HMBOX1: variants seen among roughly 807,000 people sequenced by gnomAD.
HMBOX1 encodes homeobox containing 1.
Under a neutral mutation model 54.5 loss-of-function variants are expected in HMBOX1, and 14 were observed. The ratio of observed to expected loss-of-function variants is 0.26; its 90% CI spans 0.17 to 0.40. The LOEUF (loss-of-function observed/expected upper bound fraction) is 0.40, where lower values mean the gene tolerates loss of function less well. Among genes scored for constraint, HMBOX1 ranks in the 10% least tolerant of loss-of-function variants. The pLI, the probability that HMBOX1 is intolerant of heterozygous loss-of-function variation, is 1.00. For missense variants in HMBOX1, 332 were observed against 514.4 expected (o/e 0.65, Z 3.43); for synonymous variants, 160 against 181.0 (o/e 0.88, Z 0.93).
chr8:28,893,878 C>T (rs1811535391), intron 1 of HMBOX1, among the ~76,000 whole-genome samples: 1 of 152,148 alleles, frequency 6.6e-6, no homozygotes, highest in South Asian at 2.1e-4. Context: ...CAATTTAGTT[C>T]TGTTCATTTC....
chr8:28,980,189 A>G, intron 4 of HMBOX1, 33 bp downstream of exon 4: 2 of 1,453,488 alleles, frequency 1.4e-6, no homozygotes, highest in Non-Finnish European at 1.9e-6. Context: ...TTCTGGAATC[A>G]TGTGTAGTCT....
intron 4 of HMBOX1, 89 bp downstream of exon 4, chr8:28,980,245 T>C: frequency 1.0e-6 from 1 of 955,722 alleles, no homozygotes; most frequent in Non-Finnish European, 1.7e-6. Context: ...ATTTCTGCAT[T>C]GCAGTGCAGA....
In HMBOX1 at chr8:29,051,478, T is replaced by G; in HGVS notation, c.*323T>G. 1 of 699,854 alleles carries G rather than the reference T, an allele frequency of 1.4e-6. No homozygotes were observed. The highest frequency in any genetic ancestry group is 1.5e-5 in the South Asian group (1 of 67,508). The allele number at this position is 699,854 out of a possible 1,614,324, so 43.4% of individuals were successfully genotyped here. The stretch of plus-strand genomic sequence containing the variant: ...TTAGATAGCCCTCAGTTCTCAAATA[T>G]TAGACTACGTGTAAAATCTTGGGTA... On this transcript the variant is annotated 3_prime_UTR_variant, in exon 10 of 10. Transcript: ENST00000287701.
At chr8:28,972,157 ATTAATACCTGT>A (rs1200431679) in intron 3 of HMBOX1, among the ~76,000 whole-genome samples, 2 of 152,228 alleles carry the variant, frequency 1.3e-5, no homozygotes, top group African/African-American at 2.4e-5. Flanking sequence ...AAAGTATAAT[ATTAATACCTGT>A]AATGAATAAT....
At chr8:28,958,907 A>G (rs1824965896) in intron 1 of HMBOX1, among the ~76,000 whole-genome samples, 1 of 152,028 alleles carries the variant, frequency 6.6e-6, no homozygotes, top group Non-Finnish European at 1.5e-5. Flanking sequence ...GATATATTGG[A>G]TTATGTTGAT....
intron 1 of HMBOX1, among the ~76,000 whole-genome samples, chr8:28,929,953 A>G (rs924757053): frequency 8.1e-5 from 6 of 73,814 alleles, no homozygotes; most frequent in African/African-American, 3.3e-4. Context: ...CGCCCCGCCA[A>G]TGGAGACTCT....
chr8:29,031,553 A>T (rs1307217375), intron 6 of HMBOX1, among the ~76,000 whole-genome samples: 11 of 151,250 alleles, frequency 7.3e-5, no homozygotes, highest in Admixed American at 7.2e-4. Flanking sequence ...TTCTGATGAC[A>T]TAGTGGTTAA....
intron 1 of HMBOX1, among the ~76,000 whole-genome samples, chr8:28,920,295 G>A (rs1181716937): frequency 6.6e-6 from 1 of 152,048 alleles, no homozygotes; most frequent in Admixed American, 6.6e-5. Flanking sequence ...TATAAACAAG[G>A]TACTATGGTA....
At chr8:29,004,130 G>A (rs1342690998) in intron 4 of HMBOX1, among the ~76,000 whole-genome samples, 2 of 152,182 alleles carry the variant, frequency 1.3e-5, no homozygotes, top group African/African-American at 4.8e-5. Flanking sequence ...CAGATTTAAG[G>A]ATGATAGTGA....
chr8:29,027,768 G>A (rs1339545382), intron 6 of HMBOX1, among the ~76,000 whole-genome samples: 5 of 152,158 alleles, frequency 3.3e-5, no homozygotes, highest in Admixed American at 6.5e-5. Flanking sequence ...TGTGTGGAAA[G>A]GTTACTGATT....
chr8:28,907,803 A>G (rs1475792142), intron 1 of HMBOX1, among the ~76,000 whole-genome samples: 2 of 151,138 alleles, frequency 1.3e-5, no homozygotes, highest in Non-Finnish European at 2.9e-5. Context: ...CATTTGGGAC[A>G]TCGTGTTGTA....
intron 6 of HMBOX1, chr8:29,042,544 A>G (rs373516466): frequency 2.3e-6 from 1 of 433,078 alleles, no homozygotes; most frequent in Non-Finnish European, 4.6e-6. Flanking sequence ...GAAAAGACCA[A>G]TAGAATTCCC....
chr8:28,942,788 T>C (rs1038937567), intron 1 of HMBOX1, among the ~76,000 whole-genome samples: 1 of 152,248 alleles, frequency 6.6e-6, no homozygotes, highest in African/African-American at 2.4e-5. Context: ...GTTTCTGATC[T>C]TTTGGTATTA....
chr8:28,967,685 G>A (rs1826668243), intron 2 of HMBOX1, among the ~76,000 whole-genome samples: 1 of 152,034 alleles, frequency 6.6e-6, no homozygotes. Context: ...CAACAAACAG[G>A]TCTACTTCAT....
At chr8:28,935,250 A>C (rs1820193663) in intron 1 of HMBOX1, among the ~76,000 whole-genome samples, 1 of 152,254 alleles carries the variant, frequency 6.6e-6, no homozygotes, top group African/African-American at 2.4e-5. Context: ...GGAGGCTTTT[A>C]TAGAACTTGA....
At chr8:29,037,613 T>G (rs1372011912) in intron 6 of HMBOX1, among the ~76,000 whole-genome samples, 1 of 152,228 alleles carries the variant, frequency 6.6e-6, no homozygotes, top group Admixed American at 6.5e-5. Flanking sequence ...AAAAGATGGT[T>G]ATGCCAGATA....
intron 6 of HMBOX1, among the ~76,000 whole-genome samples, chr8:29,042,222 G>C (rs1804936480): frequency 6.6e-6 from 1 of 152,082 alleles, no homozygotes. Flanking sequence ...GAGATATGCA[G>C]GAAAGAAAGG....
intron 5 of HMBOX1, among the ~76,000 whole-genome samples, chr8:29,014,436 G>T (rs1036628418): frequency 2.0e-5 from 3 of 151,974 alleles, no homozygotes; most frequent in Non-Finnish European, 4.4e-5. Context: ...TTTTGAACTC[G>T]CTCTTGCTTT....
intron 1 of HMBOX1, among the ~76,000 whole-genome samples, chr8:28,932,520 C>A (rs534566627): frequency 6.6e-6 from 1 of 151,906 alleles, no homozygotes; most frequent in East Asian, 1.9e-4. Context: ...TTTTTACTTT[C>A]GTGGTTTTAA....
Sources: allele counts gnomAD v4.1 joint callset (sites outside exome capture counted in the v4.1 genomes callset), GRCh38; gene constraint gnomAD v4.1.1; transcripts MANE v1.5; gene names NCBI Gene and HGNC (gene_info 2026-07-23, HGNC 2026-07-21).